MOB3B: variants seen among roughly 807,000 people sequenced by gnomAD.
The protein encoded by MOB3B is MOB kinase activator 3B.
Under a neutral mutation model 18.7 loss-of-function variants are expected in MOB3B, and 7 were observed. That is an observed-to-expected ratio of 0.37 (90% CI 0.21 to 0.70). The LOEUF is 0.70. Ranked by LOEUF, MOB3B falls within the 30% of genes least tolerant of loss-of-function variation. MOB3B has a pLI of 0.52. For synonymous variants in MOB3B, 111 were observed against 99.9 expected (o/e 1.11, Z -0.66); for missense variants, 253 against 281.3 (o/e 0.90, Z 0.72).
At chr9:27,363,255 G>C (rs1230554885) in intron 2 of MOB3B, among the ~76,000 whole-genome samples, 2 of 152,012 alleles carry the variant, frequency 1.3e-5, no homozygotes, top group Admixed American at 6.6e-5. Context: ...ATTATTTCAG[G>C]TTTTTCGTTT....
intron 2 of MOB3B, among the ~76,000 whole-genome samples, chr9:27,433,650 G>C (rs1294627341): frequency 6.6e-6 from 1 of 152,172 alleles, no homozygotes; most frequent in Non-Finnish European, 1.5e-5. Flanking sequence ...AAGAGAAGCA[G>C]CGAAGGGAGG....
In MOB3B at chr9:27,328,876, T is replaced by C. The variant is rs1420305005; in HGVS notation, c.*1711A>G. On this transcript the variant is annotated 3_prime_UTR_variant, in exon 4 of 4. Transcript: ENST00000262244. Reference sequence around the variant, plus strand: ...CCTATCTTGTCCTCTCAAAGTTACTTAGGAAGGGGGACAAAAGTATGTTTA... The same window carrying C: ...CCTATCTTGTCCTCTCAAAGTTACTCAGGAAGGGGGACAAAAGTATGTTTA... The C allele has an allele frequency of 6.6e-6, 1 of 152,528 alleles. No individual in the cohort carries two copies. The highest frequency in any genetic ancestry group is 1.5e-5 in the Non-Finnish European group (1 of 68,026). 9.4% of individuals were successfully genotyped at this position (152,528 alleles called of 1,614,324 possible).
intron 2 of MOB3B, among the ~76,000 whole-genome samples, chr9:27,432,152 G>C (rs1408262579): frequency 6.6e-6 from 1 of 152,178 alleles, no homozygotes; most frequent in Non-Finnish European, 1.5e-5. Flanking sequence ...AATGGTCACA[G>C]AAAAGAGTAG....
chr9:27,383,821 T>C (rs1821613490), intron 2 of MOB3B, among the ~76,000 whole-genome samples: 1 of 152,238 alleles, frequency 6.6e-6, no homozygotes, highest in African/African-American at 2.4e-5. Context: ...TATTAAATGG[T>C]TGCAATTACC....
intron 2 of MOB3B, among the ~76,000 whole-genome samples, chr9:27,369,860 C>T: frequency 6.6e-6 from 1 of 152,084 alleles, no homozygotes. Context: ...GCCACCTCAC[C>T]CTCAGTCTAG....
At chr9:27,520,032 A>G (rs986771999) in intron 1 of MOB3B, among the ~76,000 whole-genome samples, 3 of 152,112 alleles carry the variant, frequency 2.0e-5, no homozygotes, top group Non-Finnish European at 2.9e-5. Flanking sequence ...TCGCCTAATG[A>G]CCCTACAAAT....
In MOB3B at chr9:27,326,582, T is replaced by C. The variant is rs1820714881; in HGVS notation, c.*4005A>G. The C allele has an allele frequency of 1.5e-5, 6 of 398,364 alleles. No homozygotes were observed. Among genetic ancestry groups the C allele is most frequent in the Non-Finnish European group, 2.7e-5 (6 of 226,026 alleles). The allele number at this position is 398,364 out of a possible 1,614,324, so 24.7% of individuals were successfully genotyped here. ...TGCCCGAAGAACTGTGAGAGGAGTA[T>C]AGATTTTTTCACCAAGGAAGTTACT... On this transcript the variant is annotated 3_prime_UTR_variant, in exon 4 of 4. Coordinates refer to ENST00000262244, the MANE Select transcript of MOB3B (RefSeq NM_024761.5).
At chr9:27,418,091 C>CAAAAAAAAAAAAAAAAAAA (rs57850999) in intron 2 of MOB3B, among the ~76,000 whole-genome samples, 20 of 44,082 alleles carry the variant, frequency 4.5e-4, no homozygotes, top group Non-Finnish European at 5.3e-4. Context: ...GACTCCACCT[C>CAAAAAAAAAAAAAAAAAAA]AAAAAAAAAA....
At chr9:27,352,066 A>G (rs1254167397) in intron 3 of MOB3B, among the ~76,000 whole-genome samples, 8 of 152,112 alleles carry the variant, frequency 5.3e-5, no homozygotes, top group Admixed American at 5.2e-4. Context: ...AGATGTTGAG[A>G]AACTGCCCAT....
chr9:27,388,866 A>C (rs1172622189), intron 2 of MOB3B, among the ~76,000 whole-genome samples: 3 of 152,160 alleles, frequency 2.0e-5, no homozygotes, highest in African/African-American at 7.2e-5. Flanking sequence ...ATCCACAGGC[A>C]GATCCTATCG....
In MOB3B at chr9:27,439,220, G is replaced by C. The variant is rs542432506; in HGVS notation, c.418+15913C>G. Among the ~76,000 whole-genome samples the C allele has an allele frequency of 1.1e-4, 17 of 152,246 alleles. No individual in the cohort carries two copies. In the South Asian group the frequency reaches 3.5e-3, roughly 32 times the overall value. On this transcript the variant is annotated intron_variant, in intron 2 of 3. Transcript: ENST00000262244. ...GAGGAGTAAAGAGGAAAGGCAAACA[G>C]AATCTACCTTTATATACTGGACTGG... is the stretch of plus-strand genomic sequence containing the variant.
At chr9:27,466,978 A>C (rs959564913) in intron 1 of MOB3B, among the ~76,000 whole-genome samples, 6 of 152,188 alleles carry the variant, frequency 3.9e-5, no homozygotes, top group African/African-American at 1.4e-4. Context: ...AACTCTCAAG[A>C]GAGAACAGAC....
In MOB3B at chr9:27,336,756, C is replaced by A. The variant is rs139918405; in HGVS notation, c.622-6140G>T. ...ATAAAGGAAATTGGGCTCTCTAATA[C>A]AGCACGCCCGCACACGTGTATACTC... On this transcript the variant is annotated intron_variant, in intron 3 of 3. Transcript: ENST00000262244. Among the ~76,000 whole-genome samples the A allele has an allele frequency of 2.6e-3, 389 of 152,168 alleles. 5 individuals are homozygous for A. Among genetic ancestry groups the A allele is most frequent in the African/African-American group, 8.8e-3 (367 of 41,532 alleles).
At chr9:27,373,576 T>C (rs1821451104) in intron 2 of MOB3B, among the ~76,000 whole-genome samples, 1 of 152,154 alleles carries the variant, frequency 6.6e-6, no homozygotes, top group Non-Finnish European at 1.5e-5. Flanking sequence ...CTTTCTTCCA[T>C]CTCAACTGCA....
chr9:27,466,895 TATC>T (rs1819393121), intron 1 of MOB3B, among the ~76,000 whole-genome samples: 1 of 151,978 alleles, frequency 6.6e-6, no homozygotes, highest in Non-Finnish European at 1.5e-5. Flanking sequence ...AGCCAAACCA[TATC>T]ATTCCTGTTA....
chr9:27,362,663 C>T (rs923250650), intron 2 of MOB3B, among the ~76,000 whole-genome samples: 9 of 152,174 alleles, frequency 5.9e-5, no homozygotes, highest in Non-Finnish European at 1.2e-4. Flanking sequence ...AGGCCAACTC[C>T]AGACACTGCA....
At chr9:27,524,492 CA>C (rs1444789713) in intron 1 of MOB3B, 2 of 1,613,942 alleles carry the variant, frequency 1.2e-6, no homozygotes, top group Admixed American at 1.7e-5. Flanking sequence ...GTAGTATGAG[CA>C]ATTCATTTCC....
intron 1 of MOB3B, chr9:27,524,497 C>A: frequency 6.2e-7 from 1 of 1,614,122 alleles, no homozygotes; most frequent in Non-Finnish European, 8.5e-7. Context: ...ATGAGCAATT[C>A]ATTTCCTGTA....
At chr9:27,418,763 A>G (rs528321578) in intron 2 of MOB3B, among the ~76,000 whole-genome samples, 2 of 152,340 alleles carry the variant, frequency 1.3e-5, no homozygotes, top group East Asian at 3.9e-4. Context: ...ATTCCCTCTG[A>G]GAACTGGAAC....
Sources: allele counts gnomAD v4.1 joint callset (sites outside exome capture counted in the v4.1 genomes callset), GRCh38; gene constraint gnomAD v4.1.1; transcripts MANE v1.5; gene names NCBI Gene and HGNC (gene_info 2026-07-23, HGNC 2026-07-21).